ITFG1: variants seen among roughly 807,000 people sequenced by gnomAD.
ITFG1 encodes integrin alpha FG-GAP repeat containing 1.
Under a neutral mutation model 81.8 loss-of-function variants are expected in ITFG1, and 34 were observed. The ratio of observed to expected loss-of-function variants is 0.42; its 90% CI spans 0.32 to 0.55. The LOEUF (loss-of-function observed/expected upper bound fraction) is 0.55, where lower values mean the gene tolerates loss of function less well. Among genes scored for constraint, ITFG1 ranks in the 20% least tolerant of loss-of-function variants. ITFG1 has a pLI of 0.17. For missense variants in ITFG1, 672 were observed against 755.4 expected (o/e 0.89, Z 1.29); for synonymous variants, 285 against 270.6 (o/e 1.05, Z -0.52).
intron 14 of ITFG1, among the ~76,000 whole-genome samples, chr16:47,190,652 C>T (rs1243423127): frequency 2.6e-5 from 4 of 152,320 alleles, no homozygotes; most frequent in East Asian, 1.9e-4. Context: ...ATGTCTTTAT[C>T]CGTGTCAATA....
chr16:47,239,607 C>A (rs1024119693), intron 12 of ITFG1, among the ~76,000 whole-genome samples: 2 of 151,956 alleles, frequency 1.3e-5, no homozygotes, highest in Non-Finnish European at 1.5e-5. Flanking sequence ...AAAGAGAATA[C>A]CTGTTCATTT....
Position 47,441,455 on chromosome 16 carries a change from A to G in ITFG1, c.560+9941T>C, listed in dbSNP as rs575413804. ...ATAAAATACTGGCAAACCGAATCCA[A>G]CAACACATCAAAAAGCTTATCCACC... On this transcript the variant is annotated intron_variant, in intron 5 of 17. Coordinates refer to ENST00000320640, the MANE Select transcript of ITFG1 (RefSeq NM_030790.5). Among the ~76,000 whole-genome samples, 34 of 152,252 alleles carry G rather than the reference A, an allele frequency of 2.2e-4. No homozygotes were observed. In the East Asian group the frequency reaches 5.6e-3, roughly 25 times the overall value.
intron 6 of ITFG1, among the ~76,000 whole-genome samples, chr16:47,387,002 C>A (rs1968471262): frequency 6.6e-6 from 1 of 152,194 alleles, no homozygotes; most frequent in African/African-American, 2.4e-5. Context: ...GAAGTCTGGA[C>A]AAACCTACAA....
intron 10 of ITFG1, among the ~76,000 whole-genome samples, chr16:47,303,830 A>G (rs532021727): frequency 6.6e-6 from 1 of 152,064 alleles, no homozygotes; most frequent in African/African-American, 2.4e-5. Flanking sequence ...GGGTCCCACT[A>G]TGTTGCCCAG....
intron 7 of ITFG1, among the ~76,000 whole-genome samples, chr16:47,370,668 TG>T (rs1968241427): frequency 6.6e-6 from 1 of 152,204 alleles, no homozygotes; most frequent in Non-Finnish European, 1.5e-5. Flanking sequence ...AGTTGGCGCC[TG>T]GGGCAGCTGC....
At chr16:47,230,855 T>A (rs1965809724) in intron 13 of ITFG1, among the ~76,000 whole-genome samples, 1 of 152,158 alleles carries the variant, frequency 6.6e-6, no homozygotes, top group South Asian at 2.1e-4. Flanking sequence ...TTCACGCCAT[T>A]CTCCTGCCTC....
In ITFG1 at chr16:47,272,544, C is replaced by T. The variant is rs376320197; in HGVS notation, c.1071-11849G>A. ...CTGAGTAGCTGGGATTACAGGCACG[C>T]GCCACCACGCCCAGCTAATTTTTGC... On this transcript the variant is annotated intron_variant, in intron 10 of 17. Transcript: ENST00000320640. Among the ~76,000 whole-genome samples, 12 of 152,078 alleles carry T rather than the reference C, an allele frequency of 7.9e-5. 1 individual carries two copies. Among genetic ancestry groups the T allele is most frequent in the Admixed American group, 3.3e-4 (5 of 15,280 alleles).
At chr16:47,299,283 C>T (rs1967035459) in intron 10 of ITFG1, among the ~76,000 whole-genome samples, 1 of 152,118 alleles carries the variant, frequency 6.6e-6, no homozygotes, top group Non-Finnish European at 1.5e-5. Flanking sequence ...GTAGGCAGTG[C>T]GTGCAGGTGA....
At chr16:47,267,261 C>G (rs1271089023) in intron 10 of ITFG1, among the ~76,000 whole-genome samples, 1 of 152,094 alleles carries the variant, frequency 6.6e-6, no homozygotes, top group Non-Finnish European at 1.5e-5. Context: ...AAAAAGAAAG[C>G]TGGAGTGACA....
intron 10 of ITFG1, among the ~76,000 whole-genome samples, chr16:47,297,875 T>C (rs980669806): frequency 5.3e-5 from 8 of 152,202 alleles, no homozygotes; most frequent in African/African-American, 1.7e-4. Context: ...AATGTGTAAA[T>C]CTTTTGCAAG....
chr16:47,210,573 A>C (rs1241401265), intron 14 of ITFG1, among the ~76,000 whole-genome samples: 2 of 152,200 alleles, frequency 1.3e-5, no homozygotes, highest in Non-Finnish European at 2.9e-5. Context: ...CTTTTGGTGT[A>C]AAGTCTAAGG....
At chr16:47,195,978 G>T (rs1285504896) in intron 14 of ITFG1, among the ~76,000 whole-genome samples, 1 of 152,038 alleles carries the variant, frequency 6.6e-6, no homozygotes, top group East Asian at 1.9e-4. Flanking sequence ...ACTTTAAAAA[G>T]ATAATTTTGC....
chr16:47,347,672 T>C (rs1384214680), intron 8 of ITFG1, among the ~76,000 whole-genome samples: 1 of 152,244 alleles, frequency 6.6e-6, no homozygotes, highest in African/African-American at 2.4e-5. Context: ...TAACTGTTCC[T>C]GTCTGACAGC....
At chr16:47,221,869 C>T (rs533449160) in intron 13 of ITFG1, among the ~76,000 whole-genome samples, 87 of 152,158 alleles carry the variant, frequency 5.7e-4, no homozygotes, top group Non-Finnish European at 1.0e-3. Context: ...AGTTTATTTG[C>T]GTAGAGGTGT....
chr16:47,352,439 C>A (rs906530936), intron 8 of ITFG1, among the ~76,000 whole-genome samples: 8 of 152,194 alleles, frequency 5.3e-5, no homozygotes, highest in Admixed American at 1.3e-4. Flanking sequence ...ATTTATGCAG[C>A]CAAAAAACAC....
intron 10 of ITFG1, among the ~76,000 whole-genome samples, chr16:47,270,744 T>C (rs1182930169): frequency 6.6e-6 from 1 of 152,224 alleles, no homozygotes; most frequent in Non-Finnish European, 1.5e-5. Flanking sequence ...GAGCTAAAGA[T>C]ACATGTAAAA....
chr16:47,396,577 G>C (rs975473160), intron 6 of ITFG1, among the ~76,000 whole-genome samples: 2 of 140,028 alleles, frequency 1.4e-5, no homozygotes, highest in African/African-American at 6.0e-5. Flanking sequence ...AAGGTGGCTG[G>C]GTTTACCTAG....
chr16:47,281,477 G>A (rs564923901), intron 10 of ITFG1, among the ~76,000 whole-genome samples: 4 of 152,216 alleles, frequency 2.6e-5, no homozygotes, highest in Admixed American at 2.0e-4. Flanking sequence ...TAAAGGTTTC[G>A]TAGAATTTGT....
intron 6 of ITFG1, among the ~76,000 whole-genome samples, chr16:47,403,867 C>T (rs1385255229): frequency 6.6e-6 from 1 of 151,272 alleles, no homozygotes; most frequent in African/African-American, 2.4e-5. Context: ...GTCCCTAACC[C>T]CCAGGCCATG....
Sources: allele counts gnomAD v4.1 joint callset (sites outside exome capture counted in the v4.1 genomes callset), GRCh38; gene constraint gnomAD v4.1.1; transcripts MANE v1.5; gene names NCBI Gene and HGNC (gene_info 2026-07-23, HGNC 2026-07-21).